Variants in TLCD4 observed in about 807,000 individuals in gnomAD.
TLCD4 encodes the protein TLC domain containing 4.
In TLCD4, 7 loss-of-function variants were observed where a neutral mutation model predicts 24.2. The ratio of observed to expected loss-of-function variants is 0.29; its 90% confidence interval spans 0.16 to 0.54. The LOEUF (loss-of-function observed/expected upper bound fraction) is 0.54. Ranked by LOEUF, TLCD4 falls within the 20% of genes least tolerant of loss-of-function variation. The pLI is 0.95. For missense variants in TLCD4, 259 were observed against 313.9 expected (o/e 0.82, Z 1.32); for synonymous variants, 103 against 106.4 (o/e 0.97, Z 0.20).
intron 5 of TLCD4, among the ~76,000 whole-genome samples, chr1:95,152,149 A>C (rs1401465850): frequency 6.6e-6 from 1 of 152,044 alleles, no homozygotes; most frequent in Non-Finnish European, 1.5e-5. Flanking sequence ...TTTAAAGTGA[A>C]TCTATTCATA....
At chr1:95,101,332 C>A in the TLCD4 span, among the ~76,000 whole-genome samples, 1 of 151,588 alleles carries the variant, frequency 6.6e-6, no homozygotes. Context: ...TAGCTCACTG[C>A]AGTCTGAAAC....
chr1:95,134,636 A>T (rs947915858), intron 1 of TLCD4, among the ~76,000 whole-genome samples: 4 of 152,202 alleles, frequency 2.6e-5, no homozygotes, highest in Non-Finnish European at 5.9e-5. Flanking sequence ...GAAGCAAAAC[A>T]GCGGTACTCA....
intron 6 of TLCD4, among the ~76,000 whole-genome samples, chr1:95,179,389 G>A (rs531625422): frequency 3.9e-5 from 6 of 152,328 alleles, no homozygotes; most frequent in Non-Finnish European, 7.3e-5. Context: ...TGTAAACAAA[G>A]TTATACTGGA....
At chr1:95,154,055 A>G (rs1175648509) in intron 5 of TLCD4, among the ~76,000 whole-genome samples, 1 of 152,208 alleles carries the variant, frequency 6.6e-6, no homozygotes, top group Non-Finnish European at 1.5e-5. Flanking sequence ...AGATAGATAT[A>G]AAAGTAGATA....
the TLCD4 span, among the ~76,000 whole-genome samples, chr1:95,108,408 C>G: frequency 6.6e-6 from 1 of 152,042 alleles, no homozygotes; most frequent in African/African-American, 2.4e-5. Flanking sequence ...CTGTTTTGCT[C>G]TGTCATCCAG....
chr1:95,114,450 C>T (rs942567662), upstream of TLCD4, among the ~76,000 whole-genome samples: 2 of 151,984 alleles, frequency 1.3e-5, no homozygotes, highest in African/African-American at 4.8e-5. Context: ...AGAAAAAAAA[C>T]AGCTTTTGGT....
chr1:95,141,844 A>T lies in TLCD4; in HGVS notation c.-11-2047A>T, dbSNP rs1052186741. 1.5e-4 allele frequency among the ~76,000 whole-genome samples: 18 copies of T among 122,326 alleles called. No individual in the cohort carries two copies. In the South Asian group the frequency reaches 5.0e-3, roughly 34 times the overall value. The allele number at this position is 122,326 out of a possible 152,430, so 80.3% of individuals were successfully genotyped here. ...ACACACACACACACAAAGAATGAGG[A>T]AAGAATTCATTATAGACATATGAAT... On this transcript the variant is annotated intron_variant, in intron 1 of 6. Transcript: ENST00000370203.
intron 1 of TLCD4, among the ~76,000 whole-genome samples, chr1:95,134,767 C>T (rs1676999028): frequency 6.6e-6 from 1 of 152,130 alleles, no homozygotes; most frequent in Non-Finnish European, 1.5e-5. Context: ...TTTTCCTTGA[C>T]TAGAGTGACA....
At chr1:95,180,307 G>A (rs1678588596) in intron 6 of TLCD4, among the ~76,000 whole-genome samples, 2 of 152,098 alleles carry the variant, frequency 1.3e-5, no homozygotes, top group Admixed American at 1.3e-4. Flanking sequence ...TAATTTTATA[G>A]TTTTATAATA....
At chr1:95,147,016 A>G (rs1677368394) in intron 2 of TLCD4, among the ~76,000 whole-genome samples, 1 of 150,738 alleles carries the variant, frequency 6.6e-6, no homozygotes, top group Non-Finnish European at 1.5e-5. Context: ...TTGAATAGCA[A>G]TAGAGAGTGG....
At position 95,151,305 on chromosome 1, in the gene TLCD4, C is replaced by T; in HGVS notation, c.305-20C>T. On this transcript the variant is annotated intron_variant, in intron 4 of 6. Transcript: ENST00000370203. ...AACTTTCTTCTTATGTAATACCTTA[C>T]TCACTTTTCTTTCTTACAGATTTGT... 3 of 1,610,492 alleles carry T rather than the reference C, an allele frequency of 1.9e-6. No homozygotes were observed. The highest frequency in any genetic ancestry group is 2.2e-5 in the East Asian group (1 of 44,822).
chr1:95,100,037 G>A, the TLCD4 span, among the ~76,000 whole-genome samples: 1 of 151,930 alleles, frequency 6.6e-6, no homozygotes, highest in Non-Finnish European at 1.5e-5. Flanking sequence ...CTACTTGGGA[G>A]GCTGAGGTGG....
rs1207959133 is a variant in TLCD4, at chr1:95,194,965, A to T, written c.*3097A>T. The T allele has an allele frequency of 6.6e-6, 1 of 152,140 alleles. No individual in the cohort carries two copies. The highest frequency in any genetic ancestry group is 1.5e-5 in the Non-Finnish European group (1 of 67,998). The allele number at this position is 152,140 out of a possible 1,614,324, so 9.4% of individuals were successfully genotyped here. A position where few individuals can be genotyped will look rare whatever the true frequency, so the allele number is the denominator to read the frequency against. On this transcript the variant is annotated 3_prime_UTR_variant, in exon 7 of 7. Coordinates refer to ENST00000370203, the MANE Select transcript of TLCD4 (RefSeq NM_152487.3). The stretch of plus-strand genomic sequence containing the variant: ...TTTATCCCAACTGTTTGATTTTATT[A>T]TTTCATGGACTAGCCTTACGTTAAG...
chr1:95,180,830 C>T (rs60929805), intron 6 of TLCD4, among the ~76,000 whole-genome samples: 10,590 of 152,222 alleles, frequency 0.07, 432 homozygotes, highest in Non-Finnish European at 0.089. Context: ...CTAAATGTCC[C>T]ATTCTGTGAC....
chr1:95,161,288 C>T (rs1411344488), intron 5 of TLCD4, among the ~76,000 whole-genome samples: 2 of 152,114 alleles, frequency 1.3e-5, no homozygotes, highest in East Asian at 1.9e-4. Flanking sequence ...AGTTTATTTG[C>T]GTAGAGGTGT....
chr1:95,150,386 G>GA lies in TLCD4; in HGVS notation c.304+127dup, dbSNP rs1351445544. The GA allele has an allele frequency of 4.0e-6, 5 of 1,246,044 alleles. No individual in the cohort carries two copies. The South Asian group carries it at 4.9e-5, about 12-fold the overall frequency. The allele number at this position is 1,246,044 out of a possible 1,614,324, so 77.2% of individuals were successfully genotyped here. Reference sequence around the variant, plus strand: ...GATAGCATTTAGGAAGCATACAGAGGAAAAAAATACCTCCCATGATGGTAG... The same window carrying GA: ...GATAGCATTTAGGAAGCATACAGAGGAAAAAAAATACCTCCCATGATGGTAG... On this transcript the variant is annotated intron_variant, in intron 4 of 6. Coordinates refer to ENST00000370203, the MANE Select transcript of TLCD4 (RefSeq NM_152487.3).
At chr1:95,143,682 T>G in intron 1 of TLCD4, among the ~76,000 whole-genome samples, 1 of 152,090 alleles carries the variant, frequency 6.6e-6, no homozygotes, top group East Asian at 1.9e-4. Flanking sequence ...ATTGAGATCT[T>G]TAAGATAAAA....
chr1:95,109,188 C>T, the TLCD4 span, among the ~76,000 whole-genome samples: 2 of 151,756 alleles, frequency 1.3e-5, no homozygotes, highest in Non-Finnish European at 2.9e-5. Flanking sequence ...ATTAGCCAGG[C>T]CTGGTGGGTG....
At chr1:95,178,584 T>TTTTC (rs1678522652) in intron 6 of TLCD4, among the ~76,000 whole-genome samples, 3 of 148,892 alleles carry the variant, frequency 2.0e-5, no homozygotes, top group African/African-American at 7.5e-5. Context: ...TTTTTTTTTT[T>TTTTC]TTGAGACAGT....
Sources: allele counts gnomAD v4.1 joint callset (sites outside exome capture counted in the v4.1 genomes callset), GRCh38; gene constraint gnomAD v4.1.1; transcripts MANE v1.5; gene names NCBI Gene and HGNC (gene_info 2026-07-23, HGNC 2026-07-21).